The following FOXO1 variants were observed in gnomAD, a reference collection of about 807,000 sequenced individuals.
The protein encoded by FOXO1 is forkhead box protein O1.
FOXO1 carries 6 observed loss-of-function variants against 44.1 expected under a neutral mutation model. The ratio of observed to expected loss-of-function variants is 0.14; its 90% confidence interval spans 0.07 to 0.27. The LOEUF is 0.27. FOXO1 is among the 10% of genes least tolerant of loss of function. The pLI is 1.00. For synonymous variants in FOXO1, 380 were observed against 362.7 expected, an observed-to-expected ratio of 1.05 and a Z score of -0.54; for missense variants, 737 against 888.8, an observed-to-expected ratio of 0.83 and a Z score of 2.17.
chr13:40,632,645 GA>G (rs1304658395), intron 1 of FOXO1, among the ~76,000 whole-genome samples: 2 of 149,668 alleles, frequency 1.3e-5, no homozygotes, highest in Non-Finnish European at 3.0e-5. Context: ...TTCAAAAAAA[GA>G]AAAGAAAAAA....
chr13:40,613,581 C>T (rs1047843647), intron 1 of FOXO1, among the ~76,000 whole-genome samples: 4 of 152,098 alleles, frequency 2.6e-5, no homozygotes, highest in Non-Finnish European at 5.9e-5. Context: ...GATTTAAGAC[C>T]TTGTTTTATG....
At chr13:40,650,633 G>A (rs1335455659) in intron 1 of FOXO1, among the ~76,000 whole-genome samples, 1 of 152,218 alleles carries the variant, frequency 6.6e-6, no homozygotes, top group Admixed American at 6.5e-5. Flanking sequence ...CCGATTCCAA[G>A]ACCAACCTAA....
At chr13:40,574,893 A>T (rs1419953279) in intron 1 of FOXO1, among the ~76,000 whole-genome samples, 2 of 152,244 alleles carry the variant, frequency 1.3e-5, no homozygotes, top group Non-Finnish European at 2.9e-5. Flanking sequence ...CAAACCTAGA[A>T]AACTCTTTTA....
At chr13:40,630,249 C>T (rs929970261) in intron 1 of FOXO1, among the ~76,000 whole-genome samples, 2 of 152,140 alleles carry the variant, frequency 1.3e-5, no homozygotes, top group African/African-American at 2.4e-5. Context: ...TACAGAAAAT[C>T]TCGGTGTCGT....
chr13:40,590,200 A>T (rs917176525), intron 1 of FOXO1, among the ~76,000 whole-genome samples: 2 of 152,210 alleles, frequency 1.3e-5, no homozygotes, highest in African/African-American at 4.8e-5. Context: ...CGCAAAGAAA[A>T]GCCATTCAGA....
chr13:40,635,654 C>A (rs751684061), intron 1 of FOXO1, among the ~76,000 whole-genome samples: 45 of 152,222 alleles, frequency 3.0e-4, no homozygotes, highest in Non-Finnish European at 6.3e-4. Context: ...CATGTCTGGG[C>A]AATCCCTTAA....
At chr13:40,624,711 T>A (rs1438900446) in intron 1 of FOXO1, among the ~76,000 whole-genome samples, 1 of 152,138 alleles carries the variant, frequency 6.6e-6, no homozygotes, top group Non-Finnish European at 1.5e-5. Flanking sequence ...ATTTTGAGAG[T>A]ATATGGAATC....
At chr13:40,617,241 T>A (rs1306864270) in intron 1 of FOXO1, among the ~76,000 whole-genome samples, 1 of 151,692 alleles carries the variant, frequency 6.6e-6, no homozygotes, top group Non-Finnish European at 1.5e-5. Context: ...AGGTCAGGAG[T>A]TCGAGACCAG....
intron 1 of FOXO1, among the ~76,000 whole-genome samples, chr13:40,641,709 G>T (rs1266989799): frequency 6.6e-6 from 1 of 152,122 alleles, no homozygotes; most frequent in African/African-American, 2.4e-5. Flanking sequence ...TGACAGCTGG[G>T]TGCGGTGGCT....
chr13:40,605,766 G>C (rs965327849), intron 1 of FOXO1, among the ~76,000 whole-genome samples: 2 of 152,120 alleles, frequency 1.3e-5, no homozygotes, highest in African/African-American at 4.8e-5. Context: ...CAGTACGTAT[G>C]AATCAGTAGC....
At chr13:40,575,398 A>G (rs1274823003) in intron 1 of FOXO1, among the ~76,000 whole-genome samples, 3 of 152,158 alleles carry the variant, frequency 2.0e-5, no homozygotes, top group East Asian at 3.8e-4. Context: ...TGCCCAAGTC[A>G]GTGTTAGAGC....
chr13:40,576,747 T>G (rs1230238946), intron 1 of FOXO1, among the ~76,000 whole-genome samples: 1 of 152,240 alleles, frequency 6.6e-6, no homozygotes, highest in African/African-American at 2.4e-5. Flanking sequence ...GATATTTTCA[T>G]AGCCAAAGGA....
intron 1 of FOXO1, among the ~76,000 whole-genome samples, chr13:40,664,614 G>A (rs1878156601): frequency 6.6e-6 from 1 of 152,136 alleles, no homozygotes; most frequent in African/African-American, 2.4e-5. Flanking sequence ...GGGTGGCAAG[G>A]CAGGAAAAGA....
chr13:40,564,420 A>G (rs1209085116), intron 1 of FOXO1, among the ~76,000 whole-genome samples: 1 of 152,190 alleles, frequency 6.6e-6, no homozygotes, highest in Non-Finnish European at 1.5e-5. Context: ...TTTTCCGAAC[A>G]GGAAAAGGTT....
In FOXO1 at chr13:40,666,137, G is replaced by A. The variant is rs2137951079; in HGVS notation, c.76C>T (p.Pro26Ser). 3 of 1,456,398 alleles carry A rather than the reference G, an allele frequency of 2.1e-6. No individual in the cohort carries two copies. The highest frequency in any genetic ancestry group is 2.4e-5 in the Admixed American group (1 of 40,892). The allele number at this position is 1,456,398 out of a possible 1,614,324, so 90.2% of individuals were successfully genotyped here. ...TGGCTAAACTCCGGCCTGGGCAGCG[G>A]CCAGGTGCACGAGCGCGGCCGGGGC... ...PLPRPRSCTW[P>S]LPRPEFSQSN... The change falls in exon 1 of 3, where the codon CCG becomes TCG. Residue 26 changes from proline to serine, a missense_variant. By Grantham distance (74) the Pro-to-Ser change is moderately conservative. Around this residue, in one of 7 missense-constraint regions of FOXO1, gnomAD observed 213 missense variants for 236.4 expected, o/e 0.90. Coordinates refer to ENST00000379561, the MANE Select transcript of FOXO1 (RefSeq NM_002015.4).
At chr13:40,605,581 T>G (rs946229619) in intron 1 of FOXO1, among the ~76,000 whole-genome samples, 1 of 152,020 alleles carries the variant, frequency 6.6e-6, no homozygotes, top group Non-Finnish European at 1.5e-5. Context: ...TCCCCCTGAA[T>G]CTCCTCTCAA....
At chr13:40,647,759 G>C (rs1593414186) in intron 1 of FOXO1, among the ~76,000 whole-genome samples, 2 of 152,146 alleles carry the variant, frequency 1.3e-5, no homozygotes, top group South Asian at 4.1e-4. Flanking sequence ...AGGATGGGGG[G>C]AAGCCATTTT....
chr13:40,651,726 T>C (rs945950539), intron 1 of FOXO1, among the ~76,000 whole-genome samples: 3 of 151,168 alleles, frequency 2.0e-5, no homozygotes, highest in African/African-American at 7.3e-5. Flanking sequence ...ATATTTATAA[T>C]ATAAATATAA....
intron 1 of FOXO1, among the ~76,000 whole-genome samples, chr13:40,652,541 C>T (rs1238390011): frequency 6.6e-6 from 1 of 152,138 alleles, no homozygotes; most frequent in African/African-American, 2.4e-5. Context: ...CCGGCCCAAA[C>T]TGATGATTCT....
Sources: allele counts gnomAD v4.1 joint callset (sites outside exome capture counted in the v4.1 genomes callset), GRCh38; gene constraint gnomAD v4.1.1; regional missense constraint gnomAD v4.1.1; transcripts MANE v1.5; gene names NCBI Gene and HGNC (gene_info 2026-07-23, HGNC 2026-07-21).